Variants in GPAA1 observed in about 807,000 individuals in gnomAD.
GPAA1 encodes GPI-anchor transamidase component GPAA1.
A neutral mutation model predicts 64.0 loss-of-function variants in GPAA1; 54 were observed. That is an observed-to-expected ratio of 0.84 (90% CI 0.68 to 1.06). The LOEUF (loss-of-function observed/expected upper bound fraction) is 1.06, where lower values mean the gene tolerates loss of function less well. GPAA1 is among the 50% of genes least tolerant of loss of function. The pLI, the probability that GPAA1 is intolerant of heterozygous loss-of-function variation, is 0.00. For missense variants in GPAA1, 780 were observed against 822.3 expected (o/e 0.95, Z 0.63); for synonymous variants, 393 against 377.3 (o/e 1.04, Z -0.48).
chr8:144,083,386 C>T lies in GPAA1; in HGVS notation c.255-3C>T, dbSNP rs782555179. 6.2e-7 allele frequency: 1 copy of T among 1,612,750 alleles called. No homozygotes were observed. Among genetic ancestry groups the T allele is most frequent in the Non-Finnish European group, 8.5e-7 (1 of 1,179,162 alleles). On this transcript the variant is annotated splice_region_variant and splice_polypyrimidine_tract_variant and intron_variant, in intron 2 of 11. Transcript: ENST00000355091. ...TGCTCAGAGGCTCCCTTCGTGTCTG[C>T]AGGGCTCTGCCAGTGGCCTGGCTTG...
rs1382836813 is a variant in GPAA1 at position 144,083,512 on chromosome 8, G to T, written c.366+12G>T. On this transcript the variant is annotated intron_variant, in intron 3 of 11. Transcript: ENST00000355091. ...CCCACGAGCGCTATGTACTGGGGGAGTGGGGTGTGCCTGGGCCCAGAAAGC... is the reference window on the plus strand; with the variant it reads ...CCCACGAGCGCTATGTACTGGGGGATTGGGGTGTGCCTGGGCCCAGAAAGC... 4 of 1,595,524 alleles carry T rather than the reference G, an allele frequency of 2.5e-6. No homozygotes were observed. The highest frequency in any genetic ancestry group is 2.6e-6 in the Non-Finnish European group (3 of 1,163,230).
rs1835935613 is a variant in GPAA1 at position 144,083,137 on chromosome 8, G to T, written c.88G>T (p.Val30Leu). ...CCTCTCTCACAGCGTGCTGAGCTAC[G>T]TGGCGGGCATCGCCTGGTTCTTGGC... Reference protein sequence around the residue: ...LNAPLCVLSYVAGIAWFLALV... With the variant: ...LNAPLCVLSYLAGIAWFLALV... Residue 30 changes from valine to leucine, a missense_variant, in exon 2 of 12, where the codon GTG becomes TTG. Physicochemically the swap from Val to Leu is conservative, Grantham distance 32. Transcript: ENST00000355091. The T allele has an allele frequency of 6.2e-7, 1 of 1,612,204 alleles. No individual in the cohort carries two copies. Among genetic ancestry groups the T allele is most frequent in the Non-Finnish European group, 8.5e-7 (1 of 1,179,788 alleles).
chr8:144,084,918 T>C, intron 8 of GPAA1, 43 bp downstream of exon 8: 1 of 1,605,162 alleles, frequency 6.2e-7, no homozygotes, highest in Non-Finnish European at 8.5e-7. Context: ...CAGCCTCCAG[T>C]CTCCTCAACT....
chr8:144,086,161 A>G lies in GPAA1; in HGVS notation c.*36A>G, dbSNP rs1554764392. 3 of 1,594,826 alleles carry G rather than the reference A, an allele frequency of 1.9e-6. No homozygotes were observed. Among genetic ancestry groups the G allele is most frequent in the African/African-American group, 1.3e-5 (1 of 74,670 alleles). ...TCCGGGCTGGGACAGAGACTCCCCA[A>G]GGACCCCATTCTGCCTCCTTCTGGG... On this transcript the variant is annotated 3_prime_UTR_variant, in exon 12 of 12. Coordinates refer to ENST00000355091, the MANE Select transcript of GPAA1 (RefSeq NM_003801.4).
chr8:144,084,116 A>G lies in GPAA1; in HGVS notation c.617-18A>G. The G allele has an allele frequency of 1.2e-6, 2 of 1,612,924 alleles. No individual in the cohort carries two copies. The highest frequency in any genetic ancestry group is 8.5e-7 in the Non-Finnish European group (1 of 1,179,328). The stretch of plus-strand genomic sequence containing the variant: ...CTCACCACGTCCTCCATTAGCACTC[A>G]TTCACTTGCTCCTACAGGCATGCAG... On this transcript the variant is annotated intron_variant, in intron 5 of 11. Transcript: ENST00000355091.
Position 144,086,150 on chromosome 8 carries a change from G to A in GPAA1, c.*25G>A. On this transcript the variant is annotated 3_prime_UTR_variant, in exon 12 of 12. Transcript: ENST00000355091. ...AGATCTGCCTGTCCGGGCTGGGACA[G>A]AGACTCCCCAAGGACCCCATTCTGC... The A allele has an allele frequency of 6.2e-7, 1 of 1,603,190 alleles. No homozygotes were observed.
chr8:144,082,939 C>T (rs1163522799), intron 1 of GPAA1, 135 bp downstream of exon 1: 2 of 908,490 alleles, frequency 2.2e-6, no homozygotes, highest in African/African-American at 1.7e-5. Context: ...CCTTCCGCTC[C>T]TGCCCTCTGG....
In GPAA1 at chr8:144,086,070, C is replaced by T. The variant is rs1265453061; in HGVS notation, c.1811C>T (p.Ser604Phe). The T allele has an allele frequency of 2.5e-6, 4 of 1,613,468 alleles. No homozygotes were observed. In the African/African-American group the frequency reaches 4.0e-5, roughly 16 times the overall value. Residue 604 changes from serine to phenylalanine, a missense_variant, in exon 12 of 12, where the codon TCC becomes TTC. Transcript: ENST00000355091. ...TYGALLFPLL[S>F]LGLYPCWLLF... Reference sequence around the variant, plus strand: ...GGCGCCCTGCTCTTCCCACTGCTGTCCCTGGGCCTCTACCCCTGCTGGCTG... The same window carrying T: ...GGCGCCCTGCTCTTCCCACTGCTGTTCCTGGGCCTCTACCCCTGCTGGCTG...
rs368054232 is a variant in GPAA1 at position 144,083,696 on chromosome 8, C to T, written c.367-18C>T. Reference sequence around the variant, plus strand: ...CACAAAGTTACACTGAGGCTCCCCCCACCGATGCTGCATACAGATGGTGTC... The same window carrying T: ...CACAAAGTTACACTGAGGCTCCCCCTACCGATGCTGCATACAGATGGTGTC... On this transcript the variant is annotated intron_variant, in intron 3 of 11. Transcript: ENST00000355091. The T allele has an allele frequency of 6.2e-4, 996 of 1,594,470 alleles. No homozygotes were observed. The highest frequency in any genetic ancestry group is 7.7e-4 in the Non-Finnish European group (909 of 1,174,026).
intron 11 of GPAA1, 35 bp from the exon 12 acceptor site, chr8:144,085,847 C>T: frequency 6.2e-7 from 1 of 1,601,106 alleles, no homozygotes. Flanking sequence ...ATGCCCCCAC[C>T]ATGGAGCCTA....
Position 144,085,139 on chromosome 8 carries a change from G to A in GPAA1, c.1260+1G>A, listed in dbSNP as rs1256250558. ...CAGTGTACCCCTTCCCCCATCACAG[G>A]TGATGGCACCCCCTTCTGTTGTTGG... On this transcript the variant is annotated splice_donor_variant, in intron 9 of 11. Transcript: ENST00000355091. LOFTEE classifies it high-confidence loss of function. 1.9e-6 allele frequency: 3 copies of A among 1,552,348 alleles called. No homozygotes were observed. Among genetic ancestry groups the A allele is most frequent in the Non-Finnish European group, 2.6e-6 (3 of 1,137,448 alleles).
In GPAA1 at chr8:144,086,061, C is replaced by T; in HGVS notation, c.1802C>T (p.Pro601Leu). 6.2e-7 allele frequency: 1 copy of T among 1,613,442 alleles called. No individual in the cohort carries two copies. The highest frequency in any genetic ancestry group is 8.5e-7 in the Non-Finnish European group (1 of 1,179,902). Residue 601 changes from proline (P) to leucine (L), a missense_variant, in exon 12 of 12, where the codon CCA becomes CTA. Pro to Leu is a moderately conservative substitution (Grantham distance 98, BLOSUM62 -3). Coordinates refer to ENST00000355091, the MANE Select transcript of GPAA1 (RefSeq NM_003801.4). ...EHHTYGALLFPLLSLGLYPCW... is the reference protein window; with the variant it reads ...EHHTYGALLFLLLSLGLYPCW... Reference sequence around the variant, plus strand: ...CACACCTACGGCGCCCTGCTCTTCCCACTGCTGTCCCTGGGCCTCTACCCC... The same window carrying T: ...CACACCTACGGCGCCCTGCTCTTCCTACTGCTGTCCCTGGGCCTCTACCCC...
In GPAA1 at chr8:144,083,293, A is replaced by G; in HGVS notation, c.244A>G (p.Lys82Glu). 1 of 1,603,506 alleles carries G rather than the reference A, an allele frequency of 6.2e-7. No homozygotes were observed. Among genetic ancestry groups the G allele is most frequent in the South Asian group, 1.1e-5 (1 of 90,722 alleles). The change falls in exon 2 of 12, where the codon AAG becomes GAG. Residue 82 changes from lysine (K) to glutamate (E), a missense_variant. Physicochemically the swap from Lys to Glu is moderately conservative, Grantham distance 56. Transcript: ENST00000355091. Reference protein sequence around the residue: ...AFARDFAAHRKKSGALPVAWL... With the variant: ...AFARDFAAHREKSGALPVAWL... Reference sequence around the variant, plus strand: ...TGCCCGGGACTTCGCCGCCCACCGCAAGAAGTCGGGGTGAGCGGCAGAGCA... The same window carrying G: ...TGCCCGGGACTTCGCCGCCCACCGCGAGAAGTCGGGGTGAGCGGCAGAGCA...
Position 144,086,043 on chromosome 8 carries a change from A to G in GPAA1, c.1784A>G (p.Tyr595Cys), listed in dbSNP as rs375160633. The G allele has an allele frequency of 1.9e-5, 30 of 1,612,750 alleles. No individual in the cohort carries two copies. Among genetic ancestry groups the G allele is most frequent in the African/African-American group, 9.3e-5 (7 of 74,948 alleles). The change falls in exon 12 of 12, where the codon TAC becomes TGC. Residue 595 changes from tyrosine to cysteine, a missense_variant. Tyr to Cys is a radical substitution (Grantham distance 194). Coordinates refer to ENST00000355091, the MANE Select transcript of GPAA1 (RefSeq NM_003801.4). ...CAGGGTGTGCTGGAGCACCACACCT[A>G]CGGCGCCCTGCTCTTCCCACTGCTG... ...LAQGVLEHHT[Y>C]GALLFPLLSL...
rs782068102 is a variant in GPAA1, at chr8:144,084,710, C to T, written c.1011-12C>T. ...GCTCTGGCCAGCCGTGAACCTGCCC[C>T]ACACCTGACAGGGCTTTGGAGGGCA... is the stretch of plus-strand genomic sequence containing the variant. On this transcript the variant is annotated splice_polypyrimidine_tract_variant and intron_variant, in intron 7 of 11. Coordinates refer to ENST00000355091, the MANE Select transcript of GPAA1 (RefSeq NM_003801.4). 17 of 1,613,418 alleles carry T rather than the reference C, an allele frequency of 1.1e-5. No individual in the cohort carries two copies. The South Asian group carries it at 1.6e-4, about 16-fold the overall frequency.
chr8:144,086,139 G>C lies in GPAA1; in HGVS notation c.*14G>C, dbSNP rs117421845. Reference sequence around the variant, plus strand: ...TTCTGGAAGTGAGATCTGCCTGTCCGGGCTGGGACAGAGACTCCCCAAGGA... The same window carrying C: ...TTCTGGAAGTGAGATCTGCCTGTCCCGGCTGGGACAGAGACTCCCCAAGGA... On this transcript the variant is annotated 3_prime_UTR_variant, in exon 12 of 12. Coordinates refer to ENST00000355091, the MANE Select transcript of GPAA1 (RefSeq NM_003801.4). 2.5e-6 allele frequency: 4 copies of C among 1,606,434 alleles called. 1 individual carries two copies. In the South Asian group the frequency reaches 3.3e-5, roughly 13 times the overall value.
rs782283727 is a variant in GPAA1, at chr8:144,083,300, C to G, written c.251C>G (p.Ser84Trp). 6.2e-7 allele frequency: 1 copy of G among 1,604,388 alleles called. No individual in the cohort carries two copies. The highest frequency in any genetic ancestry group is 1.1e-5 in the South Asian group (1 of 90,678). ...GACTTCGCCGCCCACCGCAAGAAGT[C>G]GGGGTGAGCGGCAGAGCAGGGCGTA... ...ARDFAAHRKK[S>W]GALPVAWLER... The change falls in exon 2 of 12, where the codon TCG becomes TGG. Residue 84 changes from serine (S) to tryptophan (W), a missense_variant. Physicochemically the swap from Ser to Trp is radical, Grantham distance 177 (BLOSUM62 -3). Transcript: ENST00000355091.
In GPAA1 at chr8:144,084,472, G is replaced by T; in HGVS notation, c.873G>T (p.Leu291=). 6.2e-7 allele frequency: 1 copy of T among 1,613,468 alleles called. No individual in the cohort carries two copies. ...CGCTGCAGGGCCTGCAGACACTGCT[G>T]CTCATGGTTCTGCGGCAGGCCTCCG... is the stretch of plus-strand genomic sequence containing the variant. ...DGPLQGLQTL[L]LMVLRQASGR... is the part of the protein sequence containing the mutation. The change falls in exon 7 of 12, where the codon CTG becomes CTT. Residue 291 remains leucine (L), a synonymous_variant. Coordinates refer to ENST00000355091, the MANE Select transcript of GPAA1 (RefSeq NM_003801.4).
rs1835963453 is a variant in GPAA1, at chr8:144,084,562, C to T, written c.963C>T (p.Gly321=). 1 of 1,614,000 alleles carries T rather than the reference C, an allele frequency of 6.2e-7. No homozygotes were observed. ...RYRVEALTLR[G]INSFRQYKYD... is the part of the protein sequence containing the mutation. ...GTGTGGAGGCCCTAACCCTGCGTGGCATCAATAGCTTCCGCCAGTACAAGT... is the reference window on the plus strand; with the variant it reads ...GTGTGGAGGCCCTAACCCTGCGTGGTATCAATAGCTTCCGCCAGTACAAGT... Residue 321 remains glycine, a synonymous_variant, in exon 7 of 12, where the codon GGC becomes GGT. Transcript: ENST00000355091.
Sources: allele counts gnomAD v4.1 joint callset, GRCh38; gene constraint gnomAD v4.1.1; transcripts MANE v1.5; gene names NCBI Gene and HGNC (gene_info 2026-07-23, HGNC 2026-07-21).